CSNK1G3: variants seen among roughly 807,000 people sequenced by gnomAD.
The protein encoded by CSNK1G3 is casein kinase I isoform gamma-3.
CSNK1G3 carries 23 observed loss-of-function variants against 64.3 expected under a neutral mutation model. That is an observed-to-expected ratio of 0.36 (90% confidence interval 0.26 to 0.51). The LOEUF (loss-of-function observed/expected upper bound fraction) is 0.51. Ranked by LOEUF, CSNK1G3 falls within the 20% of genes least tolerant of loss-of-function variation. The pLI is 0.96. For synonymous variants in CSNK1G3, 158 were observed against 162.2 expected (o/e 0.97, Z 0.20); for missense variants, 357 against 510.5 (o/e 0.70, Z 2.90).
At chr5:123,606,186 C>A (rs947309448) in intron 12 of CSNK1G3, among the ~76,000 whole-genome samples, 18 of 151,928 alleles carry the variant, frequency 1.2e-4, no homozygotes, top group African/African-American at 4.4e-4. Context: ...ATTAAGAATC[C>A]ATTTTAATCA....
chr5:123,555,249 A>C (rs775761192), intron 3 of CSNK1G3, among the ~76,000 whole-genome samples: 16 of 152,222 alleles, frequency 1.1e-4, no homozygotes, highest in Non-Finnish European at 2.1e-4. Context: ...GAGGTTGTAG[A>C]GTGGTATCTA....
At chr5:123,542,927 T>C (rs1045124604) in intron 1 of CSNK1G3, among the ~76,000 whole-genome samples, 8 of 151,392 alleles carry the variant, frequency 5.3e-5, no homozygotes, top group Non-Finnish European at 5.9e-5. Flanking sequence ...ATTCGTTTTT[T>C]TTTTTTCCGC....
At chr5:123,572,485 A>G (rs1462786802) in intron 4 of CSNK1G3, among the ~76,000 whole-genome samples, 3 of 152,122 alleles carry the variant, frequency 2.0e-5, no homozygotes, top group East Asian at 1.9e-4. Flanking sequence ...CACAATTTCT[A>G]TGGGTCAGGA....
intron 2 of CSNK1G3, among the ~76,000 whole-genome samples, chr5:123,548,164 T>A (rs1391777526): frequency 6.6e-6 from 1 of 152,106 alleles, no homozygotes; most frequent in Non-Finnish European, 1.5e-5. Flanking sequence ...CATTTAAAAC[T>A]TGAGACTTGT....
At chr5:123,590,423 A>T in exon 9 of CSNK1G3, 2 of 1,458,418 alleles carry the variant, frequency 1.4e-6, no homozygotes, top group Non-Finnish European at 1.8e-6. Flanking sequence ...AAATGGCAAC[A>T]TATCTTCGTT....
chr5:123,586,920 C>T (rs1276840565), intron 6 of CSNK1G3, among the ~76,000 whole-genome samples: 2 of 152,128 alleles, frequency 1.3e-5, no homozygotes, highest in African/African-American at 4.8e-5. Flanking sequence ...AGTCACATCT[C>T]ATGTGGATGG....
intron 1 of CSNK1G3, among the ~76,000 whole-genome samples, chr5:123,542,518 T>C (rs185118920): frequency 6.6e-6 from 1 of 152,316 alleles, no homozygotes; most frequent in Non-Finnish European, 1.5e-5. Context: ...TTTAAAAGCA[T>C]TTCTTGTTGT....
At chr5:123,605,759 A>G (rs78948730) in intron 12 of CSNK1G3, among the ~76,000 whole-genome samples, 46 of 152,224 alleles carry the variant, frequency 3.0e-4, no homozygotes, top group Non-Finnish European at 6.3e-4. Flanking sequence ...CATCCCCCAC[A>G]GTAGTATCAC....
intron 6 of CSNK1G3, among the ~76,000 whole-genome samples, chr5:123,583,863 A>T (rs908926603): frequency 2.2e-4 from 33 of 150,912 alleles, no homozygotes; most frequent in South Asian, 1.3e-3. Flanking sequence ...ATTAAAAAAA[A>T]TTTTTTTTTG....
intron 1 of CSNK1G3, among the ~76,000 whole-genome samples, chr5:123,517,286 T>G (rs1458985344): frequency 6.6e-6 from 1 of 152,212 alleles, no homozygotes; most frequent in African/African-American, 2.4e-5. Context: ...AGTTTTATCT[T>G]GAACTTTTAT....
chr5:123,525,715 T>C (rs980864895), intron 1 of CSNK1G3, among the ~76,000 whole-genome samples: 2 of 151,870 alleles, frequency 1.3e-5, no homozygotes, highest in Non-Finnish European at 2.9e-5. Flanking sequence ...AAATACTGGC[T>C]GGGCGCGGTG....
chr5:123,537,327 CAGA>C (rs2150160340), intron 1 of CSNK1G3, among the ~76,000 whole-genome samples: 1 of 150,608 alleles, frequency 6.6e-6, no homozygotes, highest in South Asian at 2.1e-4. Context: ...AAGCTAGGAA[CAGA>C]AAGTCAGATA....
intron 4 of CSNK1G3, among the ~76,000 whole-genome samples, chr5:123,565,767 C>A (rs58112440): frequency 6.6e-6 from 1 of 152,082 alleles, no homozygotes; most frequent in Non-Finnish European, 1.5e-5. Flanking sequence ...AGCCAGTTAT[C>A]ACGTGGAGAG....
At chr5:123,543,969 G>A (rs1782109088) in intron 1 of CSNK1G3, among the ~76,000 whole-genome samples, 1 of 152,088 alleles carries the variant, frequency 6.6e-6, no homozygotes, top group South Asian at 2.1e-4. Context: ...GAGCAGGGGA[G>A]CATAAAAAGA....
chr5:123,604,662 A>G (rs1027472888), intron 10 of CSNK1G3, 62 bp from the exon 12 acceptor site: 5 of 770,928 alleles, frequency 6.5e-6, no homozygotes, highest in Non-Finnish European at 1.1e-5. Flanking sequence ...TTTAATATGT[A>G]TGTATATTTA....
chr5:123,575,877 A>T, exon 6 of CSNK1G3: 1 of 1,613,622 alleles, frequency 6.2e-7, no homozygotes, highest in African/African-American at 1.3e-5. Flanking sequence ...ATTGATCCGG[A>T]GACAAAGAAA....
Position 123,563,484 on chromosome 5 carries a change from A to G in CSNK1G3, c.289+5920A>G, listed in dbSNP as rs115707847. 8.4e-3 allele frequency among the ~76,000 whole-genome samples: 1,279 copies of G among 152,122 alleles called. 22 individuals carry two copies. The highest frequency in any genetic ancestry group is 0.03 in the African/African-American group (1,228 of 41,540). On this transcript the variant is annotated intron_variant, in intron 4 of 12. Coordinates refer to ENST00000345990, the Ensembl canonical transcript of CSNK1G3. ...AAGTCTGGATTTATGTGCTCCCTGC[A>G]GTTTTTTACACTGGTTTATCGATGC... is the stretch of plus-strand genomic sequence containing the variant.
At chr5:123,605,492 G>A in intron 12 of CSNK1G3, 130 bp downstream of exon 13, 1 of 992,388 alleles carries the variant, frequency 1.0e-6, no homozygotes. Flanking sequence ...TTATTCAAAA[G>A]TATTTGATAT....
intron 2 of CSNK1G3, among the ~76,000 whole-genome samples, chr5:123,546,284 A>G (rs762014722): frequency 6.6e-6 from 1 of 152,070 alleles, no homozygotes; most frequent in Non-Finnish European, 1.5e-5. Context: ...TTGTAATTTA[A>G]TTTTTTCCTT....
Sources: allele counts gnomAD v4.1 joint callset (sites outside exome capture counted in the v4.1 genomes callset), GRCh38; gene constraint gnomAD v4.1.1; transcripts MANE v1.5; gene names NCBI Gene and HGNC (gene_info 2026-07-23, HGNC 2026-07-21).